Variants in SORCS1 observed in about 807,000 individuals in gnomAD.
SORCS1 encodes VPS10 domain-containing receptor SorCS1.
Under a neutral mutation model 146.1 loss-of-function variants are expected in SORCS1, and 60 were observed. The ratio of observed to expected loss-of-function variants is 0.41; its 90% CI spans 0.33 to 0.51. SORCS1 has a LOEUF of 0.51. Ranked by LOEUF, SORCS1 falls within the 20% of genes least tolerant of loss-of-function variation. The probability of loss-of-function intolerance (pLI) is 0.21; values close to 1 mark genes in which losing one functional copy is unlikely to be tolerated. For missense variants in SORCS1, 1,352 were observed against 1,487.6 expected, an observed-to-expected ratio of 0.91 and a Z score of 1.50; for synonymous variants, 637 against 584.0, an observed-to-expected ratio of 1.09 and a Z score of -1.31.
chr10:107,003,429 AGTGTGTGTGTGTGTGTGTGTGT>A (rs59467041), intron 1 of SORCS1, among the ~76,000 whole-genome samples: 14 of 140,530 alleles, frequency 1.0e-4, no homozygotes, highest in Admixed American at 2.9e-4. Flanking sequence ...AATTCCCATA[AGTGTGTGTGTGTGTGTGTGTGT>A]GTGTGTGTGT....
At chr10:106,590,463 T>A (rs1422392726) in intron 24 of SORCS1, among the ~76,000 whole-genome samples, 1 of 152,134 alleles carries the variant, frequency 6.6e-6, no homozygotes, top group Non-Finnish European at 1.5e-5. Context: ...TAAAAATGGA[T>A]CCTGCCCTTG....
intron 17 of SORCS1, among the ~76,000 whole-genome samples, chr10:106,659,673 G>A (rs543962654): frequency 2.0e-5 from 3 of 152,266 alleles, no homozygotes; most frequent in South Asian, 2.1e-4. Context: ...TGACTGGCAC[G>A]TCTGGGACTC....
At chr10:106,828,053 C>A (rs542504570) in intron 3 of SORCS1, among the ~76,000 whole-genome samples, 3 of 152,260 alleles carry the variant, frequency 2.0e-5, no homozygotes, top group African/African-American at 7.2e-5. Context: ...TGCTAAGCAC[C>A]TGAAATGCCT....
At chr10:106,629,114 AC>A in intron 19 of SORCS1, 87 bp downstream of exon 19, 1 of 1,173,918 alleles carries the variant, frequency 8.5e-7, no homozygotes, top group Non-Finnish European at 1.2e-6. Flanking sequence ...TAACTAGTGT[AC>A]TTCTTCTAGA....
At position 106,728,638 on chromosome 10, in the gene SORCS1, G is replaced by A. The variant is rs112021983; in HGVS notation, c.1024+1412C>T. ...CATGCATAGTAATGAAAAATGTGTG[G>A]TTTCTGGGGAGTTTGGGTTATAGGG... On this transcript the variant is annotated intron_variant, in intron 6 of 25. Transcript: ENST00000263054. Among the ~76,000 whole-genome samples the A allele has an allele frequency of 8.4e-3, 1,283 of 152,280 alleles. 19 individuals are homozygous for A. The highest frequency in any genetic ancestry group is 0.029 in the African/African-American group (1,220 of 41,550).
intron 1 of SORCS1, among the ~76,000 whole-genome samples, chr10:107,002,311 T>C (rs1053986108): frequency 1.3e-5 from 2 of 152,184 alleles, no homozygotes; most frequent in Non-Finnish European, 2.9e-5. Context: ...ATTAGTAAGG[T>C]CAGACCGTAT....
intron 5 of SORCS1, among the ~76,000 whole-genome samples, chr10:106,736,583 T>G (rs2136065724): frequency 9.5e-6 from 1 of 105,048 alleles, no homozygotes; most frequent in South Asian, 3.5e-4. Context: ...CAGAAAAACA[T>G]CATCAAGATA....
chr10:106,977,251 T>C (rs913117120), intron 1 of SORCS1, among the ~76,000 whole-genome samples: 3 of 152,246 alleles, frequency 2.0e-5, no homozygotes, highest in Admixed American at 6.5e-5. Flanking sequence ...TGAGATGGTA[T>C]CCCATTGTGG....
intron 1 of SORCS1, among the ~76,000 whole-genome samples, chr10:107,003,955 C>T: frequency 6.6e-6 from 1 of 152,088 alleles, no homozygotes; most frequent in South Asian, 2.1e-4. Context: ...GAGGGTGGAT[C>T]ACAAGGTCAG....
At chr10:106,940,543 TTC>T (rs1178899919) in intron 2 of SORCS1, among the ~76,000 whole-genome samples, 1 of 152,250 alleles carries the variant, frequency 6.6e-6, no homozygotes, top group African/African-American at 2.4e-5. Context: ...CAGTAATTTA[TTC>T]TCTGTGTGGC....
chr10:107,127,595 T>C (rs566934271), intron 1 of SORCS1, among the ~76,000 whole-genome samples: 149 of 152,330 alleles, frequency 9.8e-4, no homozygotes, highest in African/African-American at 3.3e-3. Flanking sequence ...AAACAAACAA[T>C]TGGCTCTAGT....
intron 10 of SORCS1, among the ~76,000 whole-genome samples, chr10:106,682,431 G>C (rs1333900958): frequency 6.6e-6 from 1 of 152,134 alleles, no homozygotes; most frequent in Non-Finnish European, 1.5e-5. Context: ...CTTCAAGGAA[G>C]TAACATAGTC....
At chr10:106,892,417 C>A (rs576147178) in intron 2 of SORCS1, among the ~76,000 whole-genome samples, 1 of 152,194 alleles carries the variant, frequency 6.6e-6, no homozygotes, top group African/African-American at 2.4e-5. Flanking sequence ...GAAAGCTCAG[C>A]GACTGTGTAA....
At chr10:107,021,080 C>T (rs1412869014) in intron 1 of SORCS1, among the ~76,000 whole-genome samples, 2 of 152,026 alleles carry the variant, frequency 1.3e-5, no homozygotes, top group East Asian at 1.9e-4. Flanking sequence ...GGTTTGGGTG[C>T]ACACATGAAT....
At chr10:106,952,567 T>TTATAC (rs1554893160) in intron 2 of SORCS1, among the ~76,000 whole-genome samples, 1 of 147,368 alleles carries the variant, frequency 6.8e-6, no homozygotes, top group African/African-American at 2.5e-5. Context: ...TTATATTATA[T>TTATAC]TATATTATAC....
intron 5 of SORCS1, among the ~76,000 whole-genome samples, chr10:106,741,923 G>T (rs370676000): frequency 6.6e-6 from 1 of 152,178 alleles, no homozygotes; most frequent in Non-Finnish European, 1.5e-5. Context: ...AGGTAAGGCT[G>T]GTTTAGCTAT....
intron 2 of SORCS1, among the ~76,000 whole-genome samples, chr10:106,853,943 T>A (rs562451015): frequency 6.6e-6 from 1 of 152,018 alleles, no homozygotes; most frequent in Non-Finnish European, 1.5e-5. Context: ...TTAGGTGATA[T>A]TGTCTAGAGA....
At chr10:106,839,430 C>T (rs1948924772) in intron 2 of SORCS1, among the ~76,000 whole-genome samples, 1 of 152,150 alleles carries the variant, frequency 6.6e-6, no homozygotes, top group Non-Finnish European at 1.5e-5. Context: ...TTTTCCTCAA[C>T]TCTATGAAGG....
Position 106,764,054 on chromosome 10 carries a change from A to C in SORCS1, c.886-2393T>G, listed in dbSNP as rs561560988. Reference sequence around the variant, plus strand: ...AGGTTTCACAATTGGTGTACAAAGAAAATTTATCAGAGGAATATGTTTTGC... The same window carrying C: ...AGGTTTCACAATTGGTGTACAAAGACAATTTATCAGAGGAATATGTTTTGC... On this transcript the variant is annotated intron_variant, in intron 4 of 25. Coordinates refer to ENST00000263054, the MANE Select transcript of SORCS1 (RefSeq NM_052918.5). 4.6e-4 allele frequency among the ~76,000 whole-genome samples: 70 copies of C among 152,328 alleles called. 1 individual carries two copies. The highest frequency in any genetic ancestry group is 3.4e-3 in the Middle Eastern group (1 of 294).
Sources: gnomAD v4.1 joint callset for allele counts (sites outside exome capture counted in the v4.1 genomes callset) on GRCh38, gnomAD v4.1.1 for gene constraint, MANE v1.5 for transcripts, NCBI Gene and HGNC (gene_info 2026-07-23, HGNC 2026-07-21) for gene names.